Variants in CRTC3 observed in about 807,000 individuals in gnomAD.
The protein encoded by CRTC3 is CREB regulated transcription coactivator 3.
CRTC3 carries 26 observed loss-of-function variants against 74.5 expected under a neutral mutation model. The observed-to-expected ratio is 0.35, with a 90% CI of 0.26 to 0.48. The LOEUF is 0.48. Among genes scored for constraint, CRTC3 ranks in the 20% least tolerant of loss-of-function variants. The probability of loss-of-function intolerance (pLI) is 0.99; values close to 1 mark genes in which losing one functional copy is unlikely to be tolerated. For synonymous variants in CRTC3, 377 were observed against 325.8 expected (o/e 1.16, Z -1.69); for missense variants, 760 against 787.3 (o/e 0.97, Z 0.41).
intron 9 of CRTC3, among the ~76,000 whole-genome samples, chr15:90,620,641 C>G (rs1968619736): frequency 6.6e-6 from 1 of 152,006 alleles, no homozygotes; most frequent in Admixed American, 6.6e-5. Flanking sequence ...TGGGCTGTGT[C>G]CTGAGAGAGC....
chr15:90,615,728 G>A (rs1968475283), intron 7 of CRTC3, among the ~76,000 whole-genome samples: 1 of 152,204 alleles, frequency 6.6e-6, no homozygotes, highest in Non-Finnish European at 1.5e-5. Context: ...CCCCAACCAT[G>A]TTCTTATAAC....
At chr15:90,622,841 A>G (rs1181018985) in intron 9 of CRTC3, among the ~76,000 whole-genome samples, 1 of 152,072 alleles carries the variant, frequency 6.6e-6, no homozygotes, top group East Asian at 1.9e-4. Flanking sequence ...ACAGAGCAAG[A>G]CTCTGTCTCA....
At chr15:90,577,602 A>C (rs1967436910) in intron 2 of CRTC3, among the ~76,000 whole-genome samples, 2 of 152,194 alleles carry the variant, frequency 1.3e-5, no homozygotes, top group Non-Finnish European at 2.9e-5. Context: ...TTATTGCAGC[A>C]CTATTTACAA....
In CRTC3 at chr15:90,642,010, C is replaced by A. The variant is rs1406706190; in HGVS notation, c.1730C>A (p.Thr577Asn). 6.2e-7 allele frequency: 1 copy of A among 1,613,830 alleles called. No individual in the cohort carries two copies. Among genetic ancestry groups the A allele is most frequent in the African/African-American group, 1.3e-5 (1 of 74,936 alleles). Residue 577 changes from threonine to asparagine, a missense_variant, in exon 15 of 15, where the codon ACT (threonine) becomes AAT (asparagine). Transcript: ENST00000268184. ...CCTGAGGTCAGCCTGAACGTGGACA[C>A]TCCATTTCCACTGGAAGAGGAGCTG... is the stretch of plus-strand genomic sequence containing the variant. ...GLPEVSLNVD[T>N]PFPLEEELQI...
intron 2 of CRTC3, among the ~76,000 whole-genome samples, chr15:90,564,776 T>C (rs529847391): frequency 6.6e-6 from 1 of 152,172 alleles, no homozygotes; most frequent in Non-Finnish European, 1.5e-5. Context: ...CTGTAAGCAA[T>C]GACACATAGA....
intron 2 of CRTC3, among the ~76,000 whole-genome samples, chr15:90,551,940 A>G (rs760947146): frequency 2.0e-3 from 24 of 11,976 alleles, no homozygotes; most frequent in Middle Eastern, 0.045. Context: ...GCACACACAC[A>G]CACGCACACA....
chr15:90,614,138 T>G (rs1370122646), intron 6 of CRTC3: 2 of 263,130 alleles, frequency 7.6e-6, no homozygotes, highest in Non-Finnish European at 1.4e-5. Context: ...CATCTATACT[T>G]CTTTACTTTG....
At chr15:90,593,829 G>A in intron 3 of CRTC3, 74 bp downstream of exon 3, 1 of 1,475,630 alleles carries the variant, frequency 6.8e-7, no homozygotes. Context: ...TATCTTCCCT[G>A]CAATTCTCCT....
At chr15:90,556,636 A>G (rs1257029684) in intron 2 of CRTC3, among the ~76,000 whole-genome samples, 1 of 152,166 alleles carries the variant, frequency 6.6e-6, no homozygotes, top group Non-Finnish European at 1.5e-5. Flanking sequence ...TCTCTGTGTA[A>G]TACGTCTTAT....
intron 7 of CRTC3, among the ~76,000 whole-genome samples, chr15:90,615,659 A>G (rs1244918197): frequency 6.6e-6 from 1 of 152,184 alleles, no homozygotes; most frequent in Non-Finnish European, 1.5e-5. Flanking sequence ...TTGGATATGA[A>G]AAGGGACTAA....
chr15:90,531,461 C>T (rs1966625673), intron 1 of CRTC3, among the ~76,000 whole-genome samples: 1 of 152,130 alleles, frequency 6.6e-6, no homozygotes, highest in Non-Finnish European at 1.5e-5. Context: ...GCCATTTATA[C>T]TCATGATGGT....
intron 2 of CRTC3, among the ~76,000 whole-genome samples, chr15:90,573,978 A>G (rs972922265): frequency 9.9e-5 from 15 of 152,206 alleles, no homozygotes; most frequent in African/African-American, 3.6e-4. Flanking sequence ...GACCATACAC[A>G]TGTCTGTACC....
At chr15:90,633,970 T>C (rs146342531) in intron 11 of CRTC3, among the ~76,000 whole-genome samples, 1 of 152,242 alleles carries the variant, frequency 6.6e-6, no homozygotes, top group Non-Finnish European at 1.5e-5. Flanking sequence ...ACAGATGCAA[T>C]ATCATCTTTT....
chr15:90,586,842 T>G (rs1449157126), intron 2 of CRTC3, among the ~76,000 whole-genome samples: 1 of 152,246 alleles, frequency 6.6e-6, no homozygotes, highest in Non-Finnish European at 1.5e-5. Flanking sequence ...ATGTCTTGAT[T>G]GTTCACACAT....
At chr15:90,544,344 A>T (rs1395892098) in intron 2 of CRTC3, among the ~76,000 whole-genome samples, 2 of 152,220 alleles carry the variant, frequency 1.3e-5, no homozygotes, top group African/African-American at 4.8e-5. Context: ...ATTCAATATG[A>T]TCTCACCTTT....
At chr15:90,615,091 T>TAAA (rs1287566319) in intron 7 of CRTC3, among the ~76,000 whole-genome samples, 1,866 of 151,758 alleles carry the variant, frequency 0.012, 41 homozygotes, top group African/African-American at 0.043. Context: ...AATAAATAAA[T>TAAA]TAATTAATTG....
chr15:90,603,031 A>G (rs1968117229), intron 4 of CRTC3, among the ~76,000 whole-genome samples: 1 of 152,174 alleles, frequency 6.6e-6, no homozygotes, highest in African/African-American at 2.4e-5. Flanking sequence ...AAAGTCTAAA[A>G]TGAAAAGTTA....
At chr15:90,552,605 G>A (rs957273070) in intron 2 of CRTC3, among the ~76,000 whole-genome samples, 6 of 152,144 alleles carry the variant, frequency 3.9e-5, no homozygotes, top group Non-Finnish European at 7.3e-5. Context: ...GGCAAACCTG[G>A]TTTGAGTCCT....
At chr15:90,538,773 C>CTTTTTTTTTTTTTTTTTTTT (rs4031379) in intron 1 of CRTC3, among the ~76,000 whole-genome samples, 1 of 144,462 alleles carries the variant, frequency 6.9e-6, no homozygotes. Flanking sequence ...CAAACTTCAC[C>CTTTTTTTTTTTTTTTTTTTT]TTTTTTTTTT....
Sources: allele counts gnomAD v4.1 joint callset (sites outside exome capture counted in the v4.1 genomes callset), GRCh38; gene constraint gnomAD v4.1.1; transcripts MANE v1.5; gene names NCBI Gene and HGNC (gene_info 2026-07-23, HGNC 2026-07-21).